Variants in TLL2 observed in about 807,000 individuals in gnomAD.
TLL2 encodes the protein tolloid like 2, also known as tolloid-like protein 2.
TLL2 carries 106 observed loss-of-function variants against 123.0 expected under a neutral mutation model. The observed-to-expected ratio is 0.86, with a 90% confidence interval of 0.74 to 1.01. The LOEUF is 1.01. TLL2 is among the 50% of genes least tolerant of loss of function. The probability of loss-of-function intolerance (pLI) is 0.00; values close to 1 mark genes in which losing one functional copy is unlikely to be tolerated. For missense variants in TLL2, 1,332 were observed against 1,336.7 expected (o/e 1.00, Z 0.06); for synonymous variants, 494 against 516.8 (o/e 0.96, Z 0.60).
chr10:96,399,879 C>T (rs188612276), intron 10 of TLL2, among the ~76,000 whole-genome samples: 8 of 152,342 alleles, frequency 5.3e-5, no homozygotes, highest in African/African-American at 9.6e-5. Flanking sequence ...AGATGAACCA[C>T]GCACCACCCA....
At chr10:96,378,321 A>T (rs10786285) in intron 17 of TLL2, among the ~76,000 whole-genome samples, 1 of 152,016 alleles carries the variant, frequency 6.6e-6, no homozygotes, top group Non-Finnish European at 1.5e-5. Context: ...AAATGTTCGA[A>T]ATCCCTTCAC....
At chr10:96,488,364 C>T (rs982823392) in intron 1 of TLL2, among the ~76,000 whole-genome samples, 1 of 152,218 alleles carries the variant, frequency 6.6e-6, no homozygotes, top group African/African-American at 2.4e-5. Flanking sequence ...GGCCCTTCCG[C>T]AGCACCTGCG....
chr10:96,476,222 G>GTA lies in TLL2; in HGVS notation c.286+4125_286+4126dup, dbSNP rs72052618. Among the ~76,000 whole-genome samples the GTA allele has an allele frequency of 3.4e-4, 32 of 93,286 alleles. 4 individuals are homozygous for GTA. The highest frequency in any genetic ancestry group is 6.4e-4 in the African/African-American group (16 of 25,122). 61.2% of individuals were successfully genotyped at this position (93,286 alleles called of 152,430 possible). A position where few individuals can be genotyped will look rare whatever the true frequency, so the allele number is the denominator to read the frequency against. On this transcript the variant is annotated intron_variant, in intron 2 of 20. Transcript: ENST00000357947. ...GTGTGGTTCCTTTTTAATTTTATAT[G>GTA]TATATATATATATATATATTTTATT...
chr10:96,495,120 G>A (rs1213451160), intron 1 of TLL2, among the ~76,000 whole-genome samples: 1 of 152,170 alleles, frequency 6.6e-6, no homozygotes, highest in Non-Finnish European at 1.5e-5. Flanking sequence ...CTCAGGAAGT[G>A]AGGAAGACTT....
intron 7 of TLL2, among the ~76,000 whole-genome samples, chr10:96,419,981 G>A (rs74151322): frequency 0.012 from 1,771 of 152,306 alleles, 36 homozygotes; most frequent in African/African-American, 0.04. Context: ...ATAACTCTGA[G>A]CACTAAACTT....
intron 3 of TLL2, among the ~76,000 whole-genome samples, chr10:96,445,111 C>G (rs1351896563): frequency 1.6e-4 from 25 of 152,224 alleles, no homozygotes; most frequent in Admixed American, 1.4e-3. Context: ...ATGGCGTGAA[C>G]CCAGGAGGCG....
chr10:96,422,973 T>A (rs4919016), intron 5 of TLL2, among the ~76,000 whole-genome samples: 75 of 151,716 alleles, frequency 4.9e-4, no homozygotes, highest in Non-Finnish European at 5.2e-4. Context: ...ACTGAAAATA[T>A]AAAAATTAGC....
At chr10:96,503,861 C>T (rs780798992) in intron 1 of TLL2, among the ~76,000 whole-genome samples, 39 of 152,204 alleles carry the variant, frequency 2.6e-4, no homozygotes, top group Admixed American at 7.2e-4. Flanking sequence ...GCTCAGGGAA[C>T]ATATACACAA....
intron 1 of TLL2, among the ~76,000 whole-genome samples, chr10:96,487,409 C>T (rs565673802): frequency 6.4e-4 from 98 of 152,320 alleles, no homozygotes; most frequent in African/African-American, 2.3e-3. Flanking sequence ...CACCCCGACA[C>T]ACTCTTTCCT....
intron 9 of TLL2, among the ~76,000 whole-genome samples, chr10:96,410,086 T>C (rs185430106): frequency 9.4e-4 from 143 of 152,298 alleles, no homozygotes; most frequent in Non-Finnish European, 1.7e-3. Flanking sequence ...AATTCTAGGA[T>C]ATTATAATAG....
At position 96,368,145 on chromosome 10, in the gene TLL2, G is replaced by A. The variant is rs1325039633; in HGVS notation, c.2991C>T (p.Gly997=). ...FRTDDTINKK[G]FHARYTSTKF... ...TGGTGCTGGTGTATCGGGCATGAAA[G>A]CCTTTCTTGTTGATGGTGTCATCTG... Residue 997 remains glycine, a synonymous_variant, in exon 21 of 21, where the codon GGC becomes GGT. Transcript: ENST00000357947. 6.2e-6 allele frequency: 10 copies of A among 1,614,130 alleles called. No individual in the cohort carries two copies. The highest frequency in any genetic ancestry group is 2.2e-5 in the East Asian group (1 of 44,898).
In TLL2 at chr10:96,386,939, G is replaced by A. The variant is rs1325574241; in HGVS notation, c.1852+14C>T. Reference sequence around the variant, plus strand: ...TATACCCTCTCATTCTAGCTTGGCAGGTCCCACACCAACCTTCACACATCT... The same window carrying A: ...TATACCCTCTCATTCTAGCTTGGCAAGTCCCACACCAACCTTCACACATCT... On this transcript the variant is annotated intron_variant, in intron 14 of 20. Coordinates refer to ENST00000357947, the MANE Select transcript of TLL2 (RefSeq NM_012465.4). 3 of 1,613,756 alleles carry A rather than the reference G, an allele frequency of 1.9e-6. No homozygotes were observed. Among genetic ancestry groups the A allele is most frequent in the African/African-American group, 1.3e-5 (1 of 75,034 alleles).
chr10:96,422,048 G>A (rs1448331633), intron 6 of TLL2, among the ~76,000 whole-genome samples: 4 of 152,124 alleles, frequency 2.6e-5, no homozygotes, highest in African/African-American at 7.2e-5. Context: ...ACATAAGAGA[G>A]TATTTTTTTT....
intron 13 of TLL2, among the ~76,000 whole-genome samples, chr10:96,390,866 TA>T (rs1232411551): frequency 6.6e-6 from 1 of 152,240 alleles, no homozygotes; most frequent in East Asian, 1.9e-4. Context: ...GCCATGAGTA[TA>T]AAACACATGC....
chr10:96,421,162 C>G (rs941424723), intron 6 of TLL2, 101 bp from the exon 7 acceptor site: 4 of 810,358 alleles, frequency 4.9e-6, no homozygotes, highest in African/African-American at 1.7e-5. Flanking sequence ...TCCCAGGGCT[C>G]TCTTGGCCCA....
chr10:96,426,105 ATTG>A (rs1846675215), intron 5 of TLL2, among the ~76,000 whole-genome samples: 1 of 152,084 alleles, frequency 6.6e-6, no homozygotes, highest in Non-Finnish European at 1.5e-5. Flanking sequence ...TGCATGTTGT[ATTG>A]TACAGGTGCC....
intron 10 of TLL2, among the ~76,000 whole-genome samples, chr10:96,403,220 C>T (rs1181344627): frequency 1.3e-5 from 2 of 152,148 alleles, no homozygotes; most frequent in Non-Finnish European, 2.9e-5. Flanking sequence ...ACACTGCAGC[C>T]ACTGGTCCTC....
At chr10:96,425,424 A>C (rs1564904861) in intron 5 of TLL2, among the ~76,000 whole-genome samples, 1 of 152,010 alleles carries the variant, frequency 6.6e-6, no homozygotes. Context: ...AAAGGCATGA[A>C]TGTACAGCTT....
At chr10:96,397,968 G>A (rs1331054641) in intron 10 of TLL2, among the ~76,000 whole-genome samples, 3 of 152,174 alleles carry the variant, frequency 2.0e-5, no homozygotes, top group Non-Finnish European at 4.4e-5. Flanking sequence ...TCTAAGAGAA[G>A]CAGAAAACTG....
Sources: allele counts gnomAD v4.1 joint callset (sites outside exome capture counted in the v4.1 genomes callset), GRCh38; gene constraint gnomAD v4.1.1; transcripts MANE v1.5; gene names NCBI Gene and HGNC (gene_info 2026-07-23, HGNC 2026-07-21).